Variants in STX18 observed in about 807,000 individuals in gnomAD.
STX18 encodes the protein syntaxin 18, also known as syntaxin-18.
A neutral mutation model predicts 50.1 loss-of-function variants in STX18; 40 were observed. The observed-to-expected ratio is 0.80, with a 90% CI of 0.62 to 1.04. The LOEUF is 1.04. Among genes scored for constraint, STX18 ranks in the 50% least tolerant of loss-of-function variants. The pLI, the probability that STX18 is intolerant of heterozygous loss-of-function variation, is 0.00. For synonymous variants in STX18, 158 were observed against 151.8 expected, an observed-to-expected ratio of 1.04 and a Z score of -0.30; for missense variants, 410 against 415.8, an observed-to-expected ratio of 0.99 and a Z score of 0.12.
At chr4:4,455,290 TA>T (rs1174109143) in intron 5 of STX18, among the ~76,000 whole-genome samples, 2 of 152,242 alleles carry the variant, frequency 1.3e-5, no homozygotes, top group African/African-American at 2.4e-5. Context: ...CACAAAGACT[TA>T]ATCTATGGCT....
At chr4:4,503,515 A>G (rs1009001239) in intron 1 of STX18, among the ~76,000 whole-genome samples, 1 of 152,186 alleles carries the variant, frequency 6.6e-6, no homozygotes, top group Admixed American at 6.5e-5. Context: ...TTAAATTTCA[A>G]TTTGCATATC....
chr4:4,499,684 A>G (rs1207685114), intron 1 of STX18: 1 of 240,506 alleles, frequency 4.2e-6, no homozygotes, highest in South Asian at 1.5e-4. Context: ...TACTTACACA[A>G]TAGAACATTC....
At chr4:4,436,222 A>C (rs938093422) in intron 6 of STX18, among the ~76,000 whole-genome samples, 6 of 152,256 alleles carry the variant, frequency 3.9e-5, no homozygotes, top group African/African-American at 1.4e-4. Context: ...TTTACAAAAA[A>C]AACTGCATGT....
chr4:4,457,486 G>GT lies in STX18; in HGVS notation c.366dup (p.His123ThrfsTer17). Reference sequence around the variant, plus strand: ...CTGTGCTCCTTCACTTGCTGGGAATGTATCTCCTTGTGAGCTGTAACAGAA... The same window carrying GT: ...CTGTGCTCCTTCACTTGCTGGGAATGTTATCTCCTTGTGAGCTGTAACAGAA... On this transcript the variant is annotated frameshift_variant, in exon 4 of 11. Transcript: ENST00000306200. LOFTEE classifies it high-confidence loss of function. 1.9e-6 allele frequency: 3 copies of GT among 1,613,908 alleles called. No homozygotes were observed. The highest frequency in any genetic ancestry group is 2.5e-6 in the Non-Finnish European group (3 of 1,179,860).
intron 1 of STX18, among the ~76,000 whole-genome samples, chr4:4,519,103 AATCACGGTGTG>A (rs1730406266): frequency 1.3e-5 from 2 of 152,198 alleles, no homozygotes; most frequent in Admixed American, 1.3e-4. Context: ...GCCAATGCAA[AATCACGGTGTG>A]ACCACAGTAA....
chr4:4,451,258 A>G (rs889107189), intron 5 of STX18, among the ~76,000 whole-genome samples: 1 of 152,254 alleles, frequency 6.6e-6, no homozygotes, highest in Non-Finnish European at 1.5e-5. Flanking sequence ...TTTAAAATTT[A>G]AAGAGAACAT....
At chr4:4,529,544 C>T (rs1209966199) in intron 1 of STX18, among the ~76,000 whole-genome samples, 4 of 151,916 alleles carry the variant, frequency 2.6e-5, no homozygotes, top group African/African-American at 2.4e-5. Context: ...TCCCCAGAGG[C>T]GTGGTCTGTG....
intron 1 of STX18, among the ~76,000 whole-genome samples, chr4:4,526,304 C>T (rs887659764): frequency 7.2e-5 from 11 of 152,254 alleles, no homozygotes; most frequent in Middle Eastern, 6.8e-3. Flanking sequence ...TGCTTATTCA[C>T]TTAATTGATT....
At chr4:4,443,492 G>GT (rs1726228992) in intron 5 of STX18, among the ~76,000 whole-genome samples, 1 of 152,212 alleles carries the variant, frequency 6.6e-6, no homozygotes, top group Non-Finnish European at 1.5e-5. Flanking sequence ...GAGGAACAAC[G>GT]TAAGGACCCA....
At chr4:4,508,627 G>T (rs1729850201) in intron 1 of STX18, among the ~76,000 whole-genome samples, 1 of 152,148 alleles carries the variant, frequency 6.6e-6, no homozygotes, top group Non-Finnish European at 1.5e-5. Context: ...ATGTGCCGTG[G>T]TGGTTTGCTG....
rs1724894211 is a variant in STX18 at position 4,420,684 on chromosome 4, G to A, written c.912+180C>T. On this transcript the variant is annotated intron_variant, in intron 10 of 10. Coordinates refer to ENST00000306200, the MANE Select transcript of STX18 (RefSeq NM_016930.4). The surrounding 1 kb of genome is among the most constrained non-coding windows in gnomAD (Gnocchi z 4.3). ...CACTGCCTCTCGAAAGCAGCTGGAGGTGGGCGACAGGTGGTGGGTCTCATG... is the reference window on the plus strand; with the variant it reads ...CACTGCCTCTCGAAAGCAGCTGGAGATGGGCGACAGGTGGTGGGTCTCATG... 1.7e-6 allele frequency: 1 copy of A among 598,782 alleles called. No individual in the cohort carries two copies. The highest frequency in any genetic ancestry group is 2.9e-6 in the Non-Finnish European group (1 of 339,200). 37.1% of individuals were successfully genotyped at this position (598,782 alleles called of 1,614,324 possible).
chr4:4,454,371 AT>A (rs1353259509), intron 5 of STX18, among the ~76,000 whole-genome samples: 1 of 152,216 alleles, frequency 6.6e-6, no homozygotes, highest in Non-Finnish European at 1.5e-5. Context: ...ACTGATATTA[AT>A]TTGTATTTTA....
intron 2 of STX18, among the ~76,000 whole-genome samples, chr4:4,467,909 G>A (rs780529904): frequency 4.4e-4 from 67 of 152,280 alleles, no homozygotes; most frequent in Admixed American, 1.2e-3. Flanking sequence ...AAAAAATACT[G>A]TAATGGAAGT....
chr4:4,533,973 A>G (rs1731219054), intron 1 of STX18, among the ~76,000 whole-genome samples: 2 of 152,226 alleles, frequency 1.3e-5, no homozygotes, highest in Non-Finnish European at 2.9e-5. Context: ...ACTGAGAATA[A>G]CAGGAGAGAA....
At chr4:4,453,821 C>T (rs1726908861) in intron 5 of STX18, 1 of 193,600 alleles carries the variant, frequency 5.2e-6, no homozygotes, top group Non-Finnish European at 9.4e-6. Flanking sequence ...AAGCCACCTT[C>T]ACCACTACTC....
At chr4:4,425,062 A>G (rs1725178070) in intron 8 of STX18, 102 bp downstream of exon 8, 12 of 1,092,460 alleles carry the variant, frequency 1.1e-5, no homozygotes, top group Non-Finnish European at 1.7e-5. Context: ...CACCAGCCCA[A>G]GGGCCCCATG....
At chr4:4,432,332 C>A (rs915732292) in intron 7 of STX18, among the ~76,000 whole-genome samples, 1 of 152,238 alleles carries the variant, frequency 6.6e-6, no homozygotes, top group African/African-American at 2.4e-5. Flanking sequence ...GGTCTGAGCT[C>A]CAGCTGCCAT....
intron 1 of STX18, among the ~76,000 whole-genome samples, chr4:4,492,064 T>G (rs1259862488): frequency 6.6e-6 from 1 of 152,086 alleles, no homozygotes; most frequent in Non-Finnish European, 1.5e-5. Context: ...AATATTTTTA[T>G]GTGTTTAAAC....
intron 1 of STX18, among the ~76,000 whole-genome samples, chr4:4,497,040 C>T (rs1006765956): frequency 7.9e-5 from 12 of 152,194 alleles, no homozygotes; most frequent in African/African-American, 2.7e-4. Flanking sequence ...ACAAAGCCAG[C>T]GTTTCAACCA....
Sources: allele counts gnomAD v4.1 joint callset (sites outside exome capture counted in the v4.1 genomes callset), GRCh38; gene constraint gnomAD v4.1.1; non-coding constraint Gnocchi (gnomAD v3.1); transcripts MANE v1.5; gene names NCBI Gene and HGNC (gene_info 2026-07-23, HGNC 2026-07-21).